Variants in SMC6 observed in about 807,000 individuals in gnomAD.
SMC6 encodes structural maintenance of chromosomes 6.
SMC6 carries 79 observed loss-of-function variants against 142.2 expected under a neutral mutation model. That is an observed-to-expected ratio of 0.56 (90% CI 0.46 to 0.67). The LOEUF is 0.67. Among genes scored for constraint, SMC6 ranks in the 30% least tolerant of loss-of-function variants. The pLI, the probability that SMC6 is intolerant of heterozygous loss-of-function variation, is 0.00. For synonymous variants in SMC6, 411 were observed against 412.4 expected (o/e 1.00, Z 0.04); for missense variants, 1,072 against 1,284.0 (o/e 0.83, Z 2.52).
intron 8 of SMC6, 151 bp from the exon 9 acceptor site, chr2:17,725,509 G>T: frequency 1.8e-6 from 1 of 549,840 alleles, no homozygotes; most frequent in East Asian, 3.1e-5. Context: ...AAACACAAAA[G>T]AATACATCAT....
chr2:17,678,798 G>T (rs1336256142), intron 25 of SMC6, 61 bp downstream of exon 25: 1 of 1,277,338 alleles, frequency 7.8e-7, no homozygotes, highest in Non-Finnish European at 1.1e-6. Context: ...AACAAAAATA[G>T]AAAAGAAAAG....
At chr2:17,682,821 A>T (rs992906030) in intron 24 of SMC6, among the ~76,000 whole-genome samples, 16 of 152,252 alleles carry the variant, frequency 1.1e-4, no homozygotes, top group African/African-American at 3.4e-4. Context: ...TGCCTGTAAA[A>T]CTGAAACAGG....
chr2:17,729,136 T>C (rs1198659657), intron 7 of SMC6, among the ~76,000 whole-genome samples: 4 of 152,170 alleles, frequency 2.6e-5, no homozygotes. Flanking sequence ...TAATCAAATA[T>C]AACCAAAATA....
intron 17 of SMC6, among the ~76,000 whole-genome samples, chr2:17,708,389 A>G (rs897582754): frequency 1.3e-5 from 2 of 152,128 alleles, no homozygotes; most frequent in South Asian, 2.1e-4. Flanking sequence ...ACCATGCACC[A>G]AAAGAATAAT....
In SMC6 at chr2:17,715,052, A is replaced by G; in HGVS notation, c.1539T>C (p.His513=). ...CCAAAGCAAGTTCTGGGTCCCGAAG[A>G]TGAATGCAAGCTCCTAAAAGTGAGA... The part of the protein sequence containing the change: ...KPVGPLGACI[H]LRDPELALAI... Residue 513 remains histidine (H), a synonymous_variant, in exon 16 of 28, where the codon CAT becomes CAC. Transcript: ENST00000448223. 1.2e-6 allele frequency: 2 copies of G among 1,613,540 alleles called. No homozygotes were observed. Among genetic ancestry groups the G allele is most frequent in the Non-Finnish European group, 1.7e-6 (2 of 1,179,848 alleles).
intron 7 of SMC6, 57 bp from the exon 8 acceptor site, chr2:17,726,526 T>C (rs974347538): frequency 1.3e-5 from 19 of 1,445,774 alleles, no homozygotes; most frequent in Non-Finnish European, 1.8e-5. Context: ...TAAAGATAGG[T>C]AAAAACTGAA....
At chr2:17,730,785 TG>T (rs1669876155) in intron 7 of SMC6, among the ~76,000 whole-genome samples, 6 of 150,866 alleles carry the variant, frequency 4.0e-5, no homozygotes, top group Admixed American at 3.3e-4. Flanking sequence ...TTTTTTTTTT[TG>T]TATTTTTAGT....
intron 3 of SMC6, among the ~76,000 whole-genome samples, chr2:17,743,331 A>G (rs1214028127): frequency 6.6e-6 from 1 of 152,180 alleles, no homozygotes; most frequent in African/African-American, 2.4e-5. Context: ...TTATTCAGGT[A>G]TTCTTTGATT....
At chr2:17,724,905 T>C (rs1300571609) in intron 9 of SMC6, among the ~76,000 whole-genome samples, 4 of 152,206 alleles carry the variant, frequency 2.6e-5, no homozygotes, top group South Asian at 2.1e-4. Flanking sequence ...AGAAGAAATA[T>C]TGCAGTTTTT....
chr2:17,715,811 T>C (rs1439209220), intron 15 of SMC6, among the ~76,000 whole-genome samples: 1 of 152,164 alleles, frequency 6.6e-6, no homozygotes, highest in African/African-American at 2.4e-5. Context: ...TTCTGAATAA[T>C]CAATTATATT....
intron 27 of SMC6, 47 bp from the exon 28 acceptor site, chr2:17,665,660 C>T (rs757672785): frequency 5.8e-5 from 72 of 1,250,048 alleles, no homozygotes; most frequent in Non-Finnish European, 7.5e-5. Flanking sequence ...AAACCTTTTA[C>T]CAATTAAAAA....
chr2:17,745,599 T>G (rs537475134), intron 3 of SMC6, among the ~76,000 whole-genome samples: 1 of 152,328 alleles, frequency 6.6e-6, no homozygotes, highest in South Asian at 2.1e-4. Context: ...TTGGTCTTAC[T>G]AAAAGTTTGT....
At chr2:17,720,322 C>T (rs924819068) in intron 11 of SMC6, among the ~76,000 whole-genome samples, 2 of 152,144 alleles carry the variant, frequency 1.3e-5, no homozygotes, top group Non-Finnish European at 2.9e-5. Context: ...CCTCTAGGCC[C>T]GTGTGGAAGA....
intron 7 of SMC6, among the ~76,000 whole-genome samples, 185 bp from the exon 8 acceptor site, chr2:17,726,654 T>C (rs1182896200): frequency 6.6e-6 from 1 of 152,154 alleles, no homozygotes; most frequent in Admixed American, 6.6e-5. Flanking sequence ...GGAAAAATAA[T>C]TTAAAATTTC....
intron 16 of SMC6, chr2:17,713,546 C>G (rs1445249704): frequency 2.1e-6 from 1 of 470,904 alleles, no homozygotes; most frequent in Admixed American, 2.3e-5. Flanking sequence ...ACAGAGCAGG[C>G]CCCACCAGAA....
At chr2:17,730,168 A>G (rs1377622698) in intron 7 of SMC6, among the ~76,000 whole-genome samples, 3 of 152,206 alleles carry the variant, frequency 2.0e-5, no homozygotes, top group East Asian at 1.9e-4. Context: ...TCTCATCTAC[A>G]AAACAAACAG....
chr2:17,750,992 T>C (rs1438312921), intron 2 of SMC6, among the ~76,000 whole-genome samples: 1 of 90,984 alleles, frequency 1.1e-5, no homozygotes, highest in African/African-American at 4.8e-5. Context: ...ACAACAAGAG[T>C]GAACAGCTGT....
At position 17,683,782 on chromosome 2, in the gene SMC6, A is replaced by C; in HGVS notation, c.2679-19T>G. ...GTACTGCCTATTATATAAACAAAAT[A>C]TTACGTAAAAAATACACCACACGTA... On this transcript the variant is annotated intron_variant, in intron 23 of 27. Coordinates refer to ENST00000448223, the MANE Select transcript of SMC6 (RefSeq NM_001142286.2). 7 of 1,598,860 alleles carry C rather than the reference A, an allele frequency of 4.4e-6. No homozygotes were observed. Among genetic ancestry groups the C allele is most frequent in the Non-Finnish European group, 6.0e-6 (7 of 1,170,450 alleles).
intron 23 of SMC6, among the ~76,000 whole-genome samples, chr2:17,693,676 G>C (rs1402542275): frequency 6.6e-6 from 1 of 151,550 alleles, no homozygotes. Flanking sequence ...TACCCTAAAA[G>C]TATAATAATA....
Sources: allele counts gnomAD v4.1 joint callset (sites outside exome capture counted in the v4.1 genomes callset), GRCh38; gene constraint gnomAD v4.1.1; transcripts MANE v1.5; gene names NCBI Gene and HGNC (gene_info 2026-07-23, HGNC 2026-07-21).